Variants in MEGF10 observed in about 807,000 individuals in gnomAD.
MEGF10 encodes multiple epidermal growth factor-like domains protein 10.
MEGF10 carries 86 observed loss-of-function variants against 147.5 expected under a neutral mutation model. That is an observed-to-expected ratio of 0.58 (90% CI 0.49 to 0.70). The LOEUF (loss-of-function observed/expected upper bound fraction) is 0.70. Ranked by LOEUF, MEGF10 falls within the 30% of genes least tolerant of loss-of-function variation. The probability of loss-of-function intolerance (pLI) is 0.00; values close to 1 mark genes in which losing one functional copy is unlikely to be tolerated. For missense variants in MEGF10, 1,329 were observed against 1,487.3 expected (o/e 0.89, Z 1.75); for synonymous variants, 478 against 525.5 (o/e 0.91, Z 1.24).
intron 5 of MEGF10, among the ~76,000 whole-genome samples, chr5:127,391,094 G>GTGCGCA (rs1763651475): frequency 4.1e-5 from 1 of 24,422 alleles, no homozygotes; most frequent in Non-Finnish European, 1.7e-4. Flanking sequence ...ACATGCGCGC[G>GTGCGCA]CGCGCGCGCA....
intron 5 of MEGF10, among the ~76,000 whole-genome samples, chr5:127,371,713 A>G (rs1418293738): frequency 1.3e-5 from 2 of 152,204 alleles, no homozygotes; most frequent in Non-Finnish European, 2.9e-5. Flanking sequence ...TCTAGAACTG[A>G]TTAGGACCTT....
At chr5:127,362,300 C>T (rs1003025557) in intron 4 of MEGF10, among the ~76,000 whole-genome samples, 2 of 148,110 alleles carry the variant, frequency 1.4e-5, no homozygotes, top group East Asian at 1.9e-4. Flanking sequence ...AATATAGCTA[C>T]TCCAGCTTTC....
chr5:127,407,792 G>T (rs1213541702), intron 8 of MEGF10, among the ~76,000 whole-genome samples: 3 of 152,134 alleles, frequency 2.0e-5, no homozygotes, highest in African/African-American at 7.2e-5. Context: ...TTTTAATGCA[G>T]CCAATCAGAC....
the MEGF10 span, among the ~76,000 whole-genome samples, chr5:127,271,515 A>G: frequency 6.6e-6 from 1 of 150,950 alleles, no homozygotes; most frequent in Non-Finnish European, 1.5e-5. Flanking sequence ...TTGTTTGTTT[A>G]CTCTGTTTGA....
chr5:127,438,847 T>C (rs1561647685), intron 17 of MEGF10, among the ~76,000 whole-genome samples: 1 of 152,228 alleles, frequency 6.6e-6, no homozygotes, highest in African/African-American at 2.4e-5. Context: ...CATATTTATA[T>C]GGATCAAATT....
At chr5:127,379,491 C>A (rs1041330409) in intron 5 of MEGF10, among the ~76,000 whole-genome samples, 2 of 152,062 alleles carry the variant, frequency 1.3e-5, no homozygotes, top group Non-Finnish European at 2.9e-5. Flanking sequence ...TCAGTCTCTG[C>A]CCTTCATTTA....
chr5:127,332,232 T>C lies in MEGF10; in HGVS notation c.116+808T>C, dbSNP rs543559580. Among the ~76,000 whole-genome samples, 18 of 152,334 alleles carry C rather than the reference T, an allele frequency of 1.2e-4. No homozygotes were observed. In the East Asian group the frequency reaches 1.7e-3, roughly 15 times the overall value. On this transcript the variant is annotated intron_variant, in intron 2 of 24. Transcript: ENST00000503335. ...TGCAGTACAATCAAGTCCAGTTGGCTCTGCTCTAATGTGCTACTTGAATTT... is the reference window on the plus strand; with the variant it reads ...TGCAGTACAATCAAGTCCAGTTGGCCCTGCTCTAATGTGCTACTTGAATTT...
intron 4 of MEGF10, among the ~76,000 whole-genome samples, chr5:127,342,838 T>C (rs1158600687): frequency 2.0e-5 from 3 of 152,134 alleles, no homozygotes; most frequent in African/African-American, 7.2e-5. Context: ...GACTGCAATA[T>C]TTTTTCCTTT....
the MEGF10 span, among the ~76,000 whole-genome samples, chr5:127,247,775 A>T: frequency 6.6e-6 from 1 of 152,044 alleles, no homozygotes; most frequent in Admixed American, 6.6e-5. Context: ...AGTGAAGATC[A>T]TTAGTCTGAT....
chr5:127,425,744 G>A (rs993576207), intron 13 of MEGF10, among the ~76,000 whole-genome samples: 1 of 152,060 alleles, frequency 6.6e-6, no homozygotes, highest in African/African-American at 2.4e-5. Context: ...ACCCTGTTAG[G>A]ACCTTTTTGA....
chr5:127,312,859 A>G (rs182031042), intron 1 of MEGF10, among the ~76,000 whole-genome samples: 1 of 152,224 alleles, frequency 6.6e-6, no homozygotes, highest in African/African-American at 2.4e-5. Flanking sequence ...AGATAACCTG[A>G]AACCATGGTA....
At chr5:127,306,561 C>T (rs1015404650) in intron 1 of MEGF10, among the ~76,000 whole-genome samples, 3 of 152,210 alleles carry the variant, frequency 2.0e-5, no homozygotes, top group African/African-American at 7.2e-5. Context: ...GAGGAGGGGA[C>T]TGGGCCTCAC....
rs1237449569 is a variant in MEGF10, at chr5:127,459,827, G to A, written c.*2509G>A. The A allele has an allele frequency of 6.6e-6, 1 of 152,180 alleles. No individual in the cohort carries two copies. Among genetic ancestry groups the A allele is most frequent in the African/African-American group, 2.4e-5 (1 of 41,464 alleles). 9.4% of individuals were successfully genotyped at this position (152,180 alleles called of 1,614,324 possible). A position where few individuals can be genotyped will look rare whatever the true frequency, so the allele number is the denominator to read the frequency against. ...GGACACACATAGCAATTTGGATGTT[G>A]TAAAACTACGTGTTACATTTGGAGA... On this transcript the variant is annotated 3_prime_UTR_variant, in exon 25 of 25. Coordinates refer to ENST00000503335, the MANE Select transcript of MEGF10 (RefSeq NM_001256545.2).
chr5:127,369,760 G>C, intron 4 of MEGF10, 150 bp from the exon 5 acceptor site: 1 of 563,546 alleles, frequency 1.8e-6, no homozygotes, highest in South Asian at 2.4e-5. Context: ...ACAGCAGACT[G>C]TAAGAGGGCT....
At chr5:127,300,850 A>G (rs1217668435) in intron 1 of MEGF10, among the ~76,000 whole-genome samples, 1 of 152,096 alleles carries the variant, frequency 6.6e-6, no homozygotes, top group East Asian at 1.9e-4. Context: ...CTAGGCAGCA[A>G]CTCCAATGCC....
At chr5:127,243,924 T>G in the MEGF10 span, among the ~76,000 whole-genome samples, 2 of 152,088 alleles carry the variant, frequency 1.3e-5, no homozygotes, top group African/African-American at 4.8e-5. Flanking sequence ...CTGCTGGGCA[T>G]GGTGGCTCAT....
Position 127,457,109 on chromosome 5 carries a change from A to G in MEGF10, c.3233-19A>G, listed in dbSNP as rs1766388843. ...ACATTTCCTTTGCTGATAAATTAAT[A>G]TGTCCTTGGTTATCACAGAACCTAC... On this transcript the variant is annotated intron_variant, in intron 24 of 24. Coordinates refer to ENST00000503335, the MANE Select transcript of MEGF10 (RefSeq NM_001256545.2). 1.3e-6 allele frequency: 2 copies of G among 1,553,032 alleles called. No individual in the cohort carries two copies. The highest frequency in any genetic ancestry group is 1.7e-4 in the Middle Eastern group (1 of 5,842).
the MEGF10 span, among the ~76,000 whole-genome samples, chr5:127,269,580 A>G: frequency 7.2e-3 from 1,101 of 152,316 alleles, 12 homozygotes; most frequent in African/African-American, 0.025. Flanking sequence ...CAAGAAATAT[A>G]GGACTATGTG....
At chr5:127,268,424 T>A in the MEGF10 span, among the ~76,000 whole-genome samples, 1 of 152,230 alleles carries the variant, frequency 6.6e-6, no homozygotes, top group Non-Finnish European at 1.5e-5. Context: ...TCTGTAGATG[T>A]CTGTTAGGTC....
Sources: allele counts gnomAD v4.1 joint callset (sites outside exome capture counted in the v4.1 genomes callset), GRCh38; gene constraint gnomAD v4.1.1; transcripts MANE v1.5; gene names NCBI Gene and HGNC (gene_info 2026-07-23, HGNC 2026-07-21).